The following ARHGAP15 variants were observed in gnomAD, a reference collection of about 807,000 sequenced individuals.
ARHGAP15 encodes Rho GTPase activating protein 15.
Under a neutral mutation model 63.7 loss-of-function variants are expected in ARHGAP15, and 51 were observed. The observed-to-expected ratio is 0.80, with a 90% confidence interval of 0.64 to 1.01. The LOEUF is 1.01. Among genes scored for constraint, ARHGAP15 ranks in the 50% least tolerant of loss-of-function variants. The pLI is 0.00. For synonymous variants in ARHGAP15, 191 were observed against 193.8 expected (o/e 0.99, Z 0.12); for missense variants, 560 against 564.6 (o/e 0.99, Z 0.08).
intron 12 of ARHGAP15, among the ~76,000 whole-genome samples, chr2:143,630,342 CAT>C (rs1699012412): frequency 6.6e-6 from 1 of 152,060 alleles, no homozygotes; most frequent in Non-Finnish European, 1.5e-5. Context: ...TTTTCTATTT[CAT>C]ATGAGTATTT....
At chr2:143,255,705 T>C (rs1680389270) in intron 6 of ARHGAP15, among the ~76,000 whole-genome samples, 1 of 152,160 alleles carries the variant, frequency 6.6e-6, no homozygotes, top group Non-Finnish European at 1.5e-5. Flanking sequence ...TTAAAATAAA[T>C]CCGAGCTTTT....
chr2:143,530,190 T>C (rs1317620777), intron 10 of ARHGAP15, among the ~76,000 whole-genome samples: 1 of 152,174 alleles, frequency 6.6e-6, no homozygotes, highest in Non-Finnish European at 1.5e-5. Context: ...TTATCCAGAA[T>C]GTAAAGAAAT....
chr2:143,430,355 C>A (rs1309820053), intron 6 of ARHGAP15, among the ~76,000 whole-genome samples: 1 of 151,978 alleles, frequency 6.6e-6, no homozygotes, highest in Non-Finnish European at 1.5e-5. Flanking sequence ...CTTTGCTCAA[C>A]ATGTTAAGAG....
At chr2:143,568,760 A>G (rs1265042276) in intron 11 of ARHGAP15, among the ~76,000 whole-genome samples, 1 of 152,226 alleles carries the variant, frequency 6.6e-6, no homozygotes, top group East Asian at 1.9e-4. Flanking sequence ...CTTGGAACCA[A>G]GCCAGATGTC....
At chr2:143,489,577 C>G (rs530060521) in intron 9 of ARHGAP15, among the ~76,000 whole-genome samples, 13 of 152,012 alleles carry the variant, frequency 8.6e-5, no homozygotes, top group African/African-American at 3.1e-4. Context: ...AGGCATTAAA[C>G]CAATTTTTAA....
intron 9 of ARHGAP15, among the ~76,000 whole-genome samples, chr2:143,490,838 G>A (rs1385407824): frequency 2.0e-5 from 3 of 152,036 alleles, no homozygotes; most frequent in Non-Finnish European, 4.4e-5. Flanking sequence ...ATGTTGGCCA[G>A]GCTGGTCTTG....
chr2:143,589,016 A>G (rs1349258362), intron 11 of ARHGAP15, among the ~76,000 whole-genome samples: 1 of 152,090 alleles, frequency 6.6e-6, no homozygotes, highest in Non-Finnish European at 1.5e-5. Flanking sequence ...TATTTCACCT[A>G]TTAAACTAGG....
chr2:143,740,503 A>T (rs536883964), intron 13 of ARHGAP15, among the ~76,000 whole-genome samples: 1 of 152,374 alleles, frequency 6.6e-6, no homozygotes, highest in East Asian at 1.9e-4. Context: ...GAAATTCCTG[A>T]AATTGCAGTG....
intron 9 of ARHGAP15, among the ~76,000 whole-genome samples, chr2:143,509,477 T>C (rs1693481483): frequency 6.6e-6 from 1 of 152,148 alleles, no homozygotes; most frequent in African/African-American, 2.4e-5. Flanking sequence ...CCCCAAAGCA[T>C]CATAAGTTAA....
chr2:143,301,732 T>C (rs1682907667), intron 6 of ARHGAP15, among the ~76,000 whole-genome samples: 1 of 151,840 alleles, frequency 6.6e-6, no homozygotes, highest in Admixed American at 6.6e-5. Flanking sequence ...TGTGTATATA[T>C]GTGTATAATA....
intron 2 of ARHGAP15, among the ~76,000 whole-genome samples, chr2:143,157,281 T>A (rs1458063558): frequency 6.6e-6 from 1 of 151,970 alleles, no homozygotes; most frequent in Non-Finnish European, 1.5e-5. Flanking sequence ...GGCATATCAA[T>A]ATGCAAAAGT....
intron 10 of ARHGAP15, among the ~76,000 whole-genome samples, chr2:143,555,705 G>T (rs952318030): frequency 1.4e-4 from 21 of 151,990 alleles, no homozygotes; most frequent in African/African-American, 5.1e-4. Context: ...TTTCGCTAAA[G>T]ATTTTTTAAA....
intron 8 of ARHGAP15, among the ~76,000 whole-genome samples, chr2:143,442,427 C>G (rs1689928625): frequency 6.6e-6 from 1 of 152,106 alleles, no homozygotes; most frequent in Non-Finnish European, 1.5e-5. Context: ...CGGTCTAGAT[C>G]CCCACTTCTG....
At chr2:143,673,107 A>G (rs1682611020) in intron 12 of ARHGAP15, among the ~76,000 whole-genome samples, 1 of 152,232 alleles carries the variant, frequency 6.6e-6, no homozygotes, top group African/African-American at 2.4e-5. Flanking sequence ...ATGCTACAGC[A>G]TGGGGAAGAT....
At position 143,165,956 on chromosome 2, in the gene ARHGAP15, AAGAG is replaced by A. The variant is rs1456477329; in HGVS notation, c.165+10305_165+10308del. On this transcript the variant is annotated intron_variant, in intron 2 of 13. Transcript: ENST00000295095. Reference sequence around the variant, plus strand: ...AAGAAAAGAAAAGAAGAAAGAAAGAAAGAGAGAAAGAAAGAAAGAAAGAAAGAAA... The same window carrying A: ...AAGAAAAGAAAAGAAGAAAGAAAGAAAGAAAGAAAGAAAGAAAGAAAGAAA... 4.0e-3 allele frequency among the ~76,000 whole-genome samples: 497 copies of A among 125,528 alleles called. 4 individuals are homozygous for A. The highest frequency in any genetic ancestry group is 0.012 in the African/African-American group (406 of 32,858). 82.4% of individuals were successfully genotyped at this position (125,528 alleles called of 152,430 possible).
chr2:143,470,418 G>T (rs1333301317), intron 8 of ARHGAP15, among the ~76,000 whole-genome samples: 2 of 151,422 alleles, frequency 1.3e-5, no homozygotes, highest in Non-Finnish European at 2.9e-5. Context: ...ACATTAGGTG[G>T]TTTATTTTCT....
chr2:143,763,710 GTGTATGTATATGTATGTATATGTATA>G (rs1686849475), intron 13 of ARHGAP15, among the ~76,000 whole-genome samples: 1 of 138,556 alleles, frequency 7.2e-6, no homozygotes, highest in Non-Finnish European at 1.5e-5. Flanking sequence ...GTATGTATAT[GTGTATGTATATGTATGTATATGTATA>G]TGTATGTATA....
intron 12 of ARHGAP15, among the ~76,000 whole-genome samples, chr2:143,630,545 T>G (rs76365274): frequency 1.3e-5 from 2 of 152,110 alleles, no homozygotes; most frequent in Admixed American, 1.3e-4. Context: ...GTTACTTTCA[T>G]AACTCTAGAT....
At chr2:143,140,466 C>T (rs969795306) in intron 1 of ARHGAP15, among the ~76,000 whole-genome samples, 20 of 151,996 alleles carry the variant, frequency 1.3e-4, no homozygotes, top group East Asian at 1.9e-4. Context: ...ACAGCAAACA[C>T]GAGGAGAGAA....
Sources: gnomAD v4.1 joint callset for allele counts (sites outside exome capture counted in the v4.1 genomes callset) on GRCh38, gnomAD v4.1.1 for gene constraint, MANE v1.5 for transcripts, NCBI Gene and HGNC (gene_info 2026-07-23, HGNC 2026-07-21) for gene names.